DOP1A: variants seen among roughly 807,000 people sequenced by gnomAD.
DOP1A encodes DOP1 leucine zipper like protein A.
DOP1A carries 90 observed loss-of-function variants against 267.6 expected under a neutral mutation model. That is an observed-to-expected ratio of 0.34 (90% CI 0.28 to 0.40). The LOEUF is 0.40. DOP1A is among the 10% of genes least tolerant of loss of function. DOP1A has a pLI of 1.00. For missense variants in DOP1A, 2,437 were observed against 2,900.4 expected (o/e 0.84, Z 3.67); for synonymous variants, 932 against 999.1 (o/e 0.93, Z 1.27).
chr6:83,067,991 A>AG (rs1335866270), intron 1 of DOP1A, among the ~76,000 whole-genome samples: 1 of 151,856 alleles, frequency 6.6e-6, no homozygotes, highest in Non-Finnish European at 1.5e-5. Context: ...CGGGGACTGG[A>AG]GGGCCAGGGC....
chr6:83,125,762 G>A, intron 15 of DOP1A, 29 bp downstream of exon 15: 1 of 1,559,762 alleles, frequency 6.4e-7, no homozygotes, highest in East Asian at 2.3e-5. Context: ...TTTGGTATTA[G>A]ACTGTTCATA....
chr6:83,165,923 T>C, intron 38 of DOP1A: 1 of 395,190 alleles, frequency 2.5e-6, no homozygotes, highest in Non-Finnish European at 5.1e-6. Context: ...AAAGCTGTAG[T>C]GGATCAGACT....
chr6:83,088,971 T>C (rs977556395), intron 1 of DOP1A, among the ~76,000 whole-genome samples: 5 of 152,228 alleles, frequency 3.3e-5, no homozygotes, highest in African/African-American at 1.2e-4. Flanking sequence ...TTTTTTCCGA[T>C]GTTCTCTTTC....
chr6:83,083,552 G>A (rs1368304246), intron 1 of DOP1A, among the ~76,000 whole-genome samples: 1 of 152,032 alleles, frequency 6.6e-6, no homozygotes, highest in African/African-American at 2.4e-5. Context: ...ATATGAACAT[G>A]GATTCATGTG....
intron 13 of DOP1A, 43 bp downstream of exon 13, chr6:83,124,862 CGTA>C (rs753102665): frequency 6.8e-7 from 1 of 1,461,830 alleles, no homozygotes; most frequent in South Asian, 1.2e-5. Flanking sequence ...AATCGAATAA[CGTA>C]GTTCAAATAT....
At chr6:83,144,614 A>G (rs1000068798) in intron 24 of DOP1A, among the ~76,000 whole-genome samples, 11 of 152,204 alleles carry the variant, frequency 7.2e-5, no homozygotes, top group Non-Finnish European at 1.6e-4. Flanking sequence ...AAATAAAAAT[A>G]TGATATAACA....
At chr6:83,131,523 C>A (rs986711984) in intron 17 of DOP1A, among the ~76,000 whole-genome samples, 3 of 152,068 alleles carry the variant, frequency 2.0e-5, no homozygotes, top group Non-Finnish European at 2.9e-5. Flanking sequence ...TAATATACAA[C>A]CATAAATATT....
At position 83,113,388 on chromosome 6, in the gene DOP1A, C is replaced by T. The variant is rs1222042032; in HGVS notation, c.747C>T (p.Leu249=). Residue 249 remains leucine (L), a synonymous_variant, in exon 7 of 39, where the codon CTC becomes CTT. Coordinates refer to ENST00000349129, the MANE Select transcript of DOP1A (RefSeq NM_015018.4). ...SVLVQRSTLD[L]ILFCFPFHMS... Reference sequence around the variant, plus strand: ...TTGTACAGAGAAGCACACTGGACCTCATACTCTTCTGTTTTCCATTCCACA... The same window carrying T: ...TTGTACAGAGAAGCACACTGGACCTTATACTCTTCTGTTTTCCATTCCACA... The T allele has an allele frequency of 1.2e-6, 2 of 1,613,790 alleles. No individual in the cohort carries two copies. The highest frequency in any genetic ancestry group is 1.7e-5 in the Admixed American group (1 of 60,022).
At chr6:83,101,138 C>T (rs543632174) in intron 4 of DOP1A, among the ~76,000 whole-genome samples, 10 of 152,200 alleles carry the variant, frequency 6.6e-5, no homozygotes, top group African/African-American at 2.4e-4. Context: ...GCCTCAGCCT[C>T]CCCAGCAGCT....
intron 8 of DOP1A, 44 bp downstream of exon 8, chr6:83,119,031 G>T: frequency 6.4e-7 from 1 of 1,553,702 alleles, no homozygotes; most frequent in South Asian, 1.1e-5. Context: ...AAAAAATGGA[G>T]GGAGATTTGT....
At position 83,100,729 on chromosome 6, in the gene DOP1A, C is replaced by A; in HGVS notation, c.163C>A (p.Gln55Lys). The A allele has an allele frequency of 6.6e-7, 1 of 1,524,264 alleles. No homozygotes were observed. The highest frequency in any genetic ancestry group is 8.8e-7 in the Non-Finnish European group (1 of 1,136,412). The allele number at this position is 1,524,264 out of a possible 1,614,324, so 94.4% of individuals were successfully genotyped here. ...NKVLQNNAKY[Q>K]VVPKKLTIGK... ...GGTTTTACAAAATAATGCAAAGTAC[C>A]AAGTAGTACCCAAAAAGCTGACCAT... The change falls in exon 4 of 39, where the codon CAA (glutamine) becomes AAA (lysine). Residue 55 changes from glutamine to lysine, a missense_variant. Around this residue, in one of 9 missense-constraint regions of DOP1A, gnomAD observed 251 missense variants for 359.1 expected, o/e 0.70. Transcript: ENST00000349129.
chr6:83,071,685 T>C (rs1785624667), intron 1 of DOP1A, among the ~76,000 whole-genome samples: 1 of 152,318 alleles, frequency 6.6e-6, no homozygotes, highest in South Asian at 2.1e-4. Context: ...AATTAAAAAG[T>C]GTACTACAAT....
chr6:83,110,499 G>A (rs1774362987), intron 6 of DOP1A, among the ~76,000 whole-genome samples, 185 bp downstream of exon 6: 1 of 152,132 alleles, frequency 6.6e-6, no homozygotes, highest in Non-Finnish European at 1.5e-5. Flanking sequence ...CTGGACTCAA[G>A]TGATCCTCTC....
intron 25 of DOP1A, among the ~76,000 whole-genome samples, chr6:83,146,937 T>G (rs554497692): frequency 1.6e-4 from 25 of 152,296 alleles, no homozygotes; most frequent in Middle Eastern, 3.4e-3. Context: ...TTGATACTTA[T>G]AGAGTACATG....
intron 37 of DOP1A, 67 bp downstream of exon 37, chr6:83,160,027 A>G (rs1783860101): frequency 3.4e-6 from 5 of 1,485,922 alleles, no homozygotes; most frequent in Non-Finnish European, 4.6e-6. Flanking sequence ...ACTGACATCT[A>G]TGACTAATTA....
At chr6:83,169,000 C>T, downstream of DOP1A, 1 of 1,309,580 alleles carries the variant, frequency 7.6e-7, no homozygotes, top group Non-Finnish European at 9.7e-7. Flanking sequence ...ACTTAAGTCC[C>T]AGTATTTTAC....
chr6:83,121,025 GCTAT>G (rs1776293072), intron 10 of DOP1A, among the ~76,000 whole-genome samples: 1 of 151,788 alleles, frequency 6.6e-6, no homozygotes. Flanking sequence ...CTTTAAAGAT[GCTAT>G]CTAAGCTTCT....
At chr6:83,113,215 T>G in intron 6 of DOP1A, 108 bp from the exon 7 acceptor site, 2 of 693,624 alleles carry the variant, frequency 2.9e-6, no homozygotes, top group East Asian at 2.7e-5. Context: ...TAATTATTGA[T>G]TAGATCCTCA....
At chr6:83,080,729 A>G (rs184735754) in intron 1 of DOP1A, among the ~76,000 whole-genome samples, 1 of 152,224 alleles carries the variant, frequency 6.6e-6, no homozygotes, top group African/African-American at 2.4e-5. Flanking sequence ...GGAGGAATAG[A>G]TTGTTGTCTT....
Sources: allele counts gnomAD v4.1 joint callset (sites outside exome capture counted in the v4.1 genomes callset), GRCh38; gene constraint gnomAD v4.1.1; regional missense constraint gnomAD v4.1.1; transcripts MANE v1.5; gene names NCBI Gene and HGNC (gene_info 2026-07-23, HGNC 2026-07-21).